SDK2: variants seen among roughly 807,000 people sequenced by gnomAD.
SDK2 encodes sidekick cell adhesion molecule 2.
In SDK2, 105 loss-of-function variants were observed where a neutral mutation model predicts 253.9. The ratio of observed to expected loss-of-function variants is 0.41; its 90% CI spans 0.35 to 0.49. SDK2 has a LOEUF of 0.49. Among genes scored for constraint, SDK2 ranks in the 20% least tolerant of loss-of-function variants. The pLI is 0.06. For missense variants in SDK2, 2,608 were observed against 3,003.0 expected (o/e 0.87, Z 3.07); for synonymous variants, 1,249 against 1,234.9 (o/e 1.01, Z -0.24).
intron 18 of SDK2, among the ~76,000 whole-genome samples, chr17:73,408,134 C>A (rs572045172): frequency 2.0e-4 from 30 of 149,272 alleles, no homozygotes; most frequent in African/African-American, 6.6e-4. Flanking sequence ...TCACTGCAAC[C>A]CCTGCCTCAA....
At chr17:73,346,407 AT>A (rs202087594) in intron 44 of SDK2, among the ~76,000 whole-genome samples, 446 of 146,390 alleles carry the variant, frequency 3.0e-3, no homozygotes, top group African/African-American at 6.7e-3. Context: ...AAGTATATAC[AT>A]TTTTTTTTTT....
chr17:73,575,685 A>G (rs929090019), intron 1 of SDK2, among the ~76,000 whole-genome samples: 1 of 152,262 alleles, frequency 6.6e-6, no homozygotes, highest in Non-Finnish European at 1.5e-5. Flanking sequence ...CTTGGCAAGT[A>G]AGATATGATT....
At chr17:73,374,303 T>C (rs1393383846) in intron 36 of SDK2, among the ~76,000 whole-genome samples, 1 of 144,116 alleles carries the variant, frequency 6.9e-6, no homozygotes, top group Non-Finnish European at 1.5e-5. Context: ...CTGTCTCCCC[T>C]CGAATGTCCA....
At chr17:73,400,934 C>A (rs573510966) in intron 21 of SDK2, 86 bp downstream of exon 21, 2 of 1,334,360 alleles carry the variant, frequency 1.5e-6, no homozygotes, top group African/African-American at 1.5e-5. Flanking sequence ...AGGCATGAGC[C>A]ACCACGCCCA....
intron 6 of SDK2, 124 bp downstream of exon 6, chr17:73,440,688 A>T (rs2063408429): frequency 2.7e-6 from 2 of 740,618 alleles, no homozygotes; most frequent in Non-Finnish European, 4.8e-6. Flanking sequence ...GTCTCCTTGC[A>T]TCCCTCCTCC....
chr17:73,422,607 C>T (rs1427721856), intron 14 of SDK2, among the ~76,000 whole-genome samples, 173 bp from the exon 15 acceptor site: 5 of 152,094 alleles, frequency 3.3e-5, no homozygotes, highest in East Asian at 1.9e-4. Flanking sequence ...TTAGCTCACA[C>T]GACCCTGGGG....
chr17:73,354,793 G>A (rs529514657), intron 40 of SDK2, among the ~76,000 whole-genome samples: 10 of 152,062 alleles, frequency 6.6e-5, no homozygotes, highest in Non-Finnish European at 8.8e-5. Context: ...TCTTCTCGCC[G>A]TTCTGCTTCT....
chr17:73,509,145 T>A (rs2063958325), intron 1 of SDK2, among the ~76,000 whole-genome samples: 1 of 152,208 alleles, frequency 6.6e-6, no homozygotes. Flanking sequence ...TACGGACTTG[T>A]CTACGTTCAC....
At chr17:73,376,117 C>T (rs1222909607) in intron 36 of SDK2, among the ~76,000 whole-genome samples, 1 of 151,636 alleles carries the variant, frequency 6.6e-6, no homozygotes, top group Non-Finnish European at 1.5e-5. Context: ...TCGCTTGAAC[C>T]TGGGAGGTGG....
chr17:73,381,069 C>T lies in SDK2; in HGVS notation c.4706-119G>A, dbSNP rs571229007. 4.2e-5 allele frequency: 28 copies of T among 667,914 alleles called. No individual in the cohort carries two copies. The African/African-American group carries it at 4.7e-4, about 11-fold the overall frequency. The allele number at this position is 667,914 out of a possible 1,614,324, so 41.4% of individuals were successfully genotyped here. A position where few individuals can be genotyped will look rare whatever the true frequency, so the allele number is the denominator to read the frequency against. On this transcript the variant is annotated intron_variant, in intron 33 of 44. Coordinates refer to ENST00000392650, the MANE Select transcript of SDK2 (RefSeq NM_001144952.2). ...GGCCAGGCGGGGCTGACGGCGTGAA[C>T]AGACAGGAAGAGTGTTTCCAAATTT... is the stretch of plus-strand genomic sequence containing the variant.
rs1383442049 is a variant in SDK2, at chr17:73,393,759, C to A, written c.3709-10G>T. On this transcript the variant is annotated splice_polypyrimidine_tract_variant and intron_variant, in intron 26 of 44. Coordinates refer to ENST00000392650, the MANE Select transcript of SDK2 (RefSeq NM_001144952.2). ...TCTCCTTATACATCACCTGTCAGGG[C>A]CCAGCACAGGGTGAGGGCCTCAGGC... is the stretch of plus-strand genomic sequence containing the variant. The A allele has an allele frequency of 3.9e-6, 6 of 1,553,454 alleles. No individual in the cohort carries two copies. Among genetic ancestry groups the A allele is most frequent in the Admixed American group, 1.8e-5 (1 of 56,968 alleles).
chr17:73,597,791 A>G (rs894577614), intron 1 of SDK2, among the ~76,000 whole-genome samples: 3 of 151,246 alleles, frequency 2.0e-5, no homozygotes, highest in Non-Finnish European at 2.9e-5. Flanking sequence ...GACTACAGGC[A>G]CCCGCCACCA....
chr17:73,415,280 C>T (rs1272904914), intron 17 of SDK2, among the ~76,000 whole-genome samples: 2 of 151,766 alleles, frequency 1.3e-5, no homozygotes, highest in Non-Finnish European at 2.9e-5. Flanking sequence ...CAGAACCCAA[C>T]AGGCATGGGA....
At chr17:73,501,261 T>C (rs1055250533) in intron 2 of SDK2, among the ~76,000 whole-genome samples, 2 of 79,846 alleles carry the variant, frequency 2.5e-5, no homozygotes, top group East Asian at 4.0e-4. Context: ...CACACACACA[T>C]ATTTTAGCAG....
At chr17:73,483,306 AC>A (rs1410037982) in intron 2 of SDK2, among the ~76,000 whole-genome samples, 4 of 136,952 alleles carry the variant, frequency 2.9e-5, no homozygotes, top group African/African-American at 8.2e-5. Flanking sequence ...ACAAGACAGA[AC>A]TTTTTTTTTT....
chr17:73,581,647 A>G (rs2045536028), intron 1 of SDK2, among the ~76,000 whole-genome samples: 1 of 152,220 alleles, frequency 6.6e-6, no homozygotes, highest in Non-Finnish European at 1.5e-5. Flanking sequence ...ATCTTTGCCC[A>G]TGGCAGGAGG....
chr17:73,584,723 C>T (rs1213939130), intron 1 of SDK2, among the ~76,000 whole-genome samples: 1 of 152,194 alleles, frequency 6.6e-6, no homozygotes, highest in Non-Finnish European at 1.5e-5. Flanking sequence ...TGAGTTTCCT[C>T]AACTGTCAAA....
At chr17:73,628,139 C>T (rs2046226042) in intron 1 of SDK2, among the ~76,000 whole-genome samples, 2 of 152,238 alleles carry the variant, frequency 1.3e-5, no homozygotes, top group African/African-American at 4.8e-5. Context: ...AGTCATCTGG[C>T]CAAGGTCATT....
chr17:73,419,348 C>T, intron 15 of SDK2, 42 bp from the exon 16 acceptor site: 2 of 1,596,928 alleles, frequency 1.3e-6, no homozygotes, highest in South Asian at 1.1e-5. Flanking sequence ...TGGGGTCAAA[C>T]ACAGGAGTTG....
Sources: gnomAD v4.1 joint callset for allele counts (sites outside exome capture counted in the v4.1 genomes callset) on GRCh38, gnomAD v4.1.1 for gene constraint, MANE v1.5 for transcripts, NCBI Gene and HGNC (gene_info 2026-07-23, HGNC 2026-07-21) for gene names.